Variants in JCAD observed in about 807,000 individuals in gnomAD.
The protein encoded by JCAD is junctional cadherin 5 associated.
JCAD carries 40 observed loss-of-function variants against 98.0 expected under a neutral mutation model. The observed-to-expected ratio is 0.41, with a 90% CI of 0.32 to 0.53. The LOEUF (loss-of-function observed/expected upper bound fraction) is 0.53. Among genes scored for constraint, JCAD ranks in the 20% least tolerant of loss-of-function variants. The pLI, the probability that JCAD is intolerant of heterozygous loss-of-function variation, is 0.31. For synonymous variants in JCAD, 691 were observed against 682.3 expected (o/e 1.01, Z -0.20); for missense variants, 1,705 against 1,738.1 (o/e 0.98, Z 0.34).
chr10:30,020,838 A>G lies in JCAD; in HGVS notation c.4046-2921T>C, dbSNP rs539661919. ...GAATAAGGTGTGCGGTCATGAAATT[A>G]TGAGAACGTGTGGAAGTCACACTTC... On this transcript the variant is annotated intron_variant, in intron 3 of 3. Transcript: ENST00000375377. Among the ~76,000 whole-genome samples, 9 of 152,324 alleles carry G rather than the reference A, an allele frequency of 5.9e-5. No individual in the cohort carries two copies. The East Asian group carries it at 1.7e-3, about 29-fold the overall frequency.
chr10:30,044,868 C>A, intron 2 of JCAD: 1 of 866,556 alleles, frequency 1.2e-6, no homozygotes, highest in Non-Finnish European at 1.4e-6. Context: ...GGGAACCTTG[C>A]AGCCAGTCTC....
At chr10:30,064,022 G>C (rs1837745626), upstream of JCAD, among the ~76,000 whole-genome samples, 1 of 152,062 alleles carries the variant, frequency 6.6e-6, no homozygotes, top group African/African-American at 2.4e-5. Flanking sequence ...GGCCAGGCTG[G>C]TCTCGAACTC....
In JCAD at chr10:30,029,511, G is replaced by A. The variant is rs765165939; in HGVS notation, c.637C>T (p.Pro213Ser). Residue 213 changes from proline to serine, a missense_variant, in exon 3 of 4, where the codon CCA becomes TCA. Physicochemically the swap from Pro to Ser is moderately conservative, Grantham distance 74. Coordinates refer to ENST00000375377, the MANE Select transcript of JCAD (RefSeq NM_020848.4). ...DGERLFQDLY[P>S]FIQGEHVLNS... ...AACACATGTTCTCCTTGAATGAATG[G>A]GTACAGGTCTTGAAACAGTCTCTCC... The A allele has an allele frequency of 6.2e-6, 10 of 1,614,044 alleles. No homozygotes were observed. In the African/African-American group the frequency reaches 1.3e-4, roughly 22 times the overall value.
intron 2 of JCAD, among the ~76,000 whole-genome samples, chr10:30,065,932 T>C (rs920364866): frequency 1.3e-5 from 2 of 152,206 alleles, no homozygotes; most frequent in Non-Finnish European, 2.9e-5. Context: ...ATCAAACCGA[T>C]GCAATCAGAA....
intron 1 of JCAD, among the ~76,000 whole-genome samples, chr10:30,080,054 A>C (rs1838055341): frequency 6.6e-6 from 1 of 152,198 alleles, no homozygotes; most frequent in Non-Finnish European, 1.5e-5. Context: ...ACCTGAGTTG[A>C]GTAGTTTAGA....
At chr10:30,112,551 A>AG in intron 1 of JCAD, among the ~76,000 whole-genome samples, 1 of 152,188 alleles carries the variant, frequency 6.6e-6, no homozygotes, top group Admixed American at 6.5e-5. Flanking sequence ...AGACACAAAA[A>AG]GTCACATAAT....
At chr10:30,105,894 A>C (rs980816904) in intron 1 of JCAD, among the ~76,000 whole-genome samples, 1 of 152,216 alleles carries the variant, frequency 6.6e-6, no homozygotes, top group Admixed American at 6.5e-5. Context: ...GTAAAGATCT[A>C]AAATGGTGAT....
At chr10:30,041,939 A>G (rs1256154978) in intron 2 of JCAD, among the ~76,000 whole-genome samples, 1 of 152,166 alleles carries the variant, frequency 6.6e-6, no homozygotes, top group Non-Finnish European at 1.5e-5. Flanking sequence ...TGTGCAGATA[A>G]CACAGTTTTT....
intron 1 of JCAD, among the ~76,000 whole-genome samples, chr10:30,097,801 C>T (rs1013134492): frequency 3.3e-5 from 5 of 151,932 alleles, no homozygotes; most frequent in African/African-American, 4.8e-5. Flanking sequence ...AAAAGAGACA[C>T]GGGTACAATG....
chr10:30,067,494 T>C (rs1313371170), intron 2 of JCAD, among the ~76,000 whole-genome samples: 2 of 151,916 alleles, frequency 1.3e-5, no homozygotes, highest in Non-Finnish European at 2.9e-5. Flanking sequence ...GCCCAGCTAA[T>C]TTTTTGTATT....
chr10:30,026,252 G>A lies in JCAD; in HGVS notation c.3896C>T (p.Pro1299Leu), dbSNP rs76622613. Residue 1299 changes from proline (P) to leucine (L), a missense_variant, in exon 3 of 4, where the codon CCG (proline) becomes CTG (leucine). Physicochemically the swap from Pro to Leu is moderately conservative, Grantham distance 98. Transcript: ENST00000375377. ...KATTRGQAGL[P>L]GGLVSPGSGD... ...ACTGCCAGGAGACACAAGGCCTCCC[G>A]GGAGCCCGGCCTGGCCCCTTGTGGT... 1.1e-3 allele frequency: 1,790 copies of A among 1,613,898 alleles called. 22 individuals carry two copies. The African/African-American group carries it at 0.02, about 18-fold the overall frequency.
intron 1 of JCAD, among the ~76,000 whole-genome samples, chr10:30,094,080 G>T (rs1243702898): frequency 6.6e-6 from 1 of 152,062 alleles, no homozygotes; most frequent in African/African-American, 2.4e-5. Context: ...TTTGGGGGTT[G>T]ATAAAGGGAA....
chr10:30,110,157 T>A (rs1838663941), intron 1 of JCAD, among the ~76,000 whole-genome samples: 1 of 151,668 alleles, frequency 6.6e-6, no homozygotes, highest in Admixed American at 6.6e-5. Flanking sequence ...AGCTGATGTG[T>A]GCAGCTGATG....
chr10:30,060,110 TACACACACAC>T (rs3074761), upstream of JCAD, among the ~76,000 whole-genome samples: 1 of 150,084 alleles, frequency 6.7e-6, no homozygotes, highest in East Asian at 2.0e-4. Context: ...AGTATGGCTA[TACACACACAC>T]ACACACACAC....
chr10:30,017,852 G>T lies in JCAD; in HGVS notation c.*31C>A. 1.9e-6 allele frequency: 3 copies of T among 1,596,176 alleles called. No individual in the cohort carries two copies. The highest frequency in any genetic ancestry group is 2.6e-6 in the Non-Finnish European group (3 of 1,163,774). On this transcript the variant is annotated 3_prime_UTR_variant, in exon 4 of 4. Transcript: ENST00000375377. ...CCAGCTACTTGAGAATACTCAATTC[G>T]CAACGGAATGCAAGCTCCACCGGCA...
intron 1 of JCAD, among the ~76,000 whole-genome samples, chr10:30,095,107 T>G (rs1047803505): frequency 1.1e-4 from 17 of 152,170 alleles, no homozygotes; most frequent in Admixed American, 9.8e-4. Context: ...CCTCTGGCCC[T>G]TGGACGAACT....
intron 2 of JCAD, among the ~76,000 whole-genome samples, chr10:30,046,657 C>A (rs1296369482): frequency 6.6e-6 from 1 of 152,150 alleles, no homozygotes; most frequent in Non-Finnish European, 1.5e-5. Context: ...GAAGAGATTA[C>A]AAGGGAACCA....
intron 1 of JCAD, among the ~76,000 whole-genome samples, chr10:30,095,699 G>A (rs547437705): frequency 1.3e-5 from 2 of 152,146 alleles, no homozygotes; most frequent in African/African-American, 2.4e-5. Context: ...GCTGTGTCTC[G>A]CTCATCTTAG....
upstream of JCAD, among the ~76,000 whole-genome samples, chr10:30,064,035 G>C (rs1481049800): frequency 2.0e-5 from 3 of 152,100 alleles, no homozygotes; most frequent in Non-Finnish European, 4.4e-5. Flanking sequence ...TCGAACTCCT[G>C]ACCTTGCGAT....
Sources: gnomAD v4.1 joint callset for allele counts (sites outside exome capture counted in the v4.1 genomes callset) on GRCh38, gnomAD v4.1.1 for gene constraint, MANE v1.5 for transcripts, NCBI Gene and HGNC (gene_info 2026-07-23, HGNC 2026-07-21) for gene names.